The following USP31 variants were observed in gnomAD, a reference collection of about 807,000 sequenced individuals.
USP31 encodes the protein ubiquitin specific peptidase 31.
USP31 carries 44 observed loss-of-function variants against 119.4 expected under a neutral mutation model. That is an observed-to-expected ratio of 0.37 (90% CI 0.29 to 0.47). The LOEUF (loss-of-function observed/expected upper bound fraction) is 0.47, where lower values mean the gene tolerates loss of function less well. USP31 is among the 20% of genes least tolerant of loss of function. The probability of loss-of-function intolerance (pLI) is 0.99; values close to 1 mark genes in which losing one functional copy is unlikely to be tolerated. For synonymous variants in USP31, 749 were observed against 705.6 expected (o/e 1.06, Z -0.97); for missense variants, 1,643 against 1,730.2 (o/e 0.95, Z 0.89).
chr16:23,106,540 T>G, intron 2 of USP31, 53 bp from the exon 3 acceptor site: 1 of 1,503,564 alleles, frequency 6.7e-7, no homozygotes, highest in Non-Finnish European at 9.0e-7. Flanking sequence ...AATTCTTGGT[T>G]GAAGATGAAG....
chr16:23,113,338 T>A (rs150100633), intron 1 of USP31, among the ~76,000 whole-genome samples: 1 of 152,198 alleles, frequency 6.6e-6, no homozygotes, highest in South Asian at 2.1e-4. Context: ...ACCTATCACA[T>A]GAGACAGAAC....
intron 7 of USP31, among the ~76,000 whole-genome samples, chr16:23,088,727 T>C (rs1901224318): frequency 6.6e-6 from 1 of 152,248 alleles, no homozygotes. Context: ...GTTCCCTGTG[T>C]ATACTGTGCT....
chr16:23,079,515 G>A (rs1900723687), intron 13 of USP31: 1 of 155,126 alleles, frequency 6.4e-6, no homozygotes, highest in Non-Finnish European at 1.4e-5. Context: ...TCACATCTGT[G>A]AATAGCTACT....
chr16:23,140,496 C>G (rs1050415857), intron 1 of USP31, among the ~76,000 whole-genome samples: 9 of 152,220 alleles, frequency 5.9e-5, no homozygotes, highest in African/African-American at 2.2e-4. Context: ...TCAAGGCTCT[C>G]TGTCCCCAGA....
intron 11 of USP31, 34 bp downstream of exon 11, chr16:23,084,826 C>G (rs772031031): frequency 1.2e-6 from 2 of 1,612,642 alleles, no homozygotes; most frequent in Admixed American, 1.7e-5. Flanking sequence ...CCCCACTGCC[C>G]TGAGCAACCA....
At chr16:23,124,535 G>C (rs988003052) in intron 1 of USP31, among the ~76,000 whole-genome samples, 1 of 152,270 alleles carries the variant, frequency 6.6e-6, no homozygotes, top group Admixed American at 6.5e-5. Flanking sequence ...TCCAGCACTA[G>C]AACACTGGAG....
chr16:23,081,106 GACACAC>G (rs1277991479), intron 12 of USP31, among the ~76,000 whole-genome samples: 2 of 152,138 alleles, frequency 1.3e-5, no homozygotes, highest in Admixed American at 1.3e-4. Context: ...ATGGGGAGGG[GACACAC>G]AGGAGTCGAT....
Position 23,107,967 on chromosome 16 carries a change from C to T in USP31, c.771+79G>A, listed in dbSNP as rs569118256. ...CTTAGTCAATTTCATTGTATTAACG[C>T]AATGCAACAAGTCCTCAGTAGAAGA... On this transcript the variant is annotated intron_variant, in intron 2 of 15. Transcript: ENST00000219689. 57 of 1,489,898 alleles carry T rather than the reference C, an allele frequency of 3.8e-5. No homozygotes were observed. In the African/African-American group the frequency reaches 6.8e-4, roughly 18 times the overall value. The allele number at this position is 1,489,898 out of a possible 1,614,324, so 92.3% of individuals were successfully genotyped here. A position where few individuals can be genotyped will look rare whatever the true frequency, so the allele number is the denominator to read the frequency against.
At chr16:23,112,783 C>A (rs906743632) in intron 1 of USP31, among the ~76,000 whole-genome samples, 1 of 151,936 alleles carries the variant, frequency 6.6e-6, no homozygotes, top group Non-Finnish European at 1.5e-5. Flanking sequence ...GATCCCAGCA[C>A]TTTGGGAGGT....
intron 6 of USP31, among the ~76,000 whole-genome samples, chr16:23,101,800 T>A (rs1207954840): frequency 6.6e-6 from 1 of 151,950 alleles, no homozygotes; most frequent in African/African-American, 2.4e-5. Context: ...GGAGACAAGC[T>A]AAGTTCCAAA....
chr16:23,097,480 C>T (rs1310684183), intron 6 of USP31, among the ~76,000 whole-genome samples: 1 of 152,190 alleles, frequency 6.6e-6, no homozygotes, highest in African/African-American at 2.4e-5. Flanking sequence ...TTTTATGAGG[C>T]CAGCATCATC....
intron 9 of USP31, 22 bp downstream of exon 9, chr16:23,087,070 T>C (rs1273887296): frequency 6.3e-7 from 1 of 1,589,952 alleles, no homozygotes; most frequent in African/African-American, 1.4e-5. Context: ...TAAAAGGTAA[T>C]TTAAAAAAAA....
chr16:23,145,355 G>A (rs912741573), intron 1 of USP31, among the ~76,000 whole-genome samples: 5 of 152,092 alleles, frequency 3.3e-5, no homozygotes, highest in African/African-American at 4.8e-5. Flanking sequence ...GCACACTGAC[G>A]CATGAGAAGC....
chr16:23,078,608 G>A (rs144474191), intron 13 of USP31, among the ~76,000 whole-genome samples: 2,479 of 152,188 alleles, frequency 0.016, 44 homozygotes, highest in Non-Finnish European at 0.021. Flanking sequence ...AACCCATGAT[G>A]TGGGACTCCT....
chr16:23,103,478 A>T (rs1567236866), intron 5 of USP31, among the ~76,000 whole-genome samples: 1 of 152,232 alleles, frequency 6.6e-6, no homozygotes, highest in Admixed American at 6.5e-5. Context: ...CTACTTATAT[A>T]AAATAATGTA....
chr16:23,125,292 A>C (rs1002875275), intron 1 of USP31, among the ~76,000 whole-genome samples: 15 of 152,194 alleles, frequency 9.9e-5, no homozygotes, highest in African/African-American at 3.6e-4. Context: ...GTCTCACTAC[A>C]TTCAAAACTC....
intron 12 of USP31, 82 bp from the exon 13 acceptor site, chr16:23,080,253 T>C (rs998829418): frequency 5.7e-6 from 7 of 1,227,856 alleles, no homozygotes; most frequent in Non-Finnish European, 8.0e-6. Flanking sequence ...ATGTGGATCC[T>C]ATCAGACAAA....
At chr16:23,141,316 T>G (rs1903345413) in intron 1 of USP31, among the ~76,000 whole-genome samples, 1 of 152,158 alleles carries the variant, frequency 6.6e-6, no homozygotes, top group Non-Finnish European at 1.5e-5. Context: ...TTATTCTTCC[T>G]GCCTGGTCAC....
rs1207890791 is a variant in USP31, at chr16:23,149,329, G to GGCC, written c.-62_-60dup. 36 of 1,007,702 alleles carry GGCC rather than the reference G, an allele frequency of 3.6e-5. No homozygotes were observed. The highest frequency in any genetic ancestry group is 9.7e-4 in the Middle Eastern group (2 of 2,054). The allele number at this position is 1,007,702 out of a possible 1,614,324, so 62.4% of individuals were successfully genotyped here. A position where few individuals can be genotyped will look rare whatever the true frequency, so the allele number is the denominator to read the frequency against. On this transcript the variant is annotated 5_prime_UTR_variant, in exon 1 of 16. Coordinates refer to ENST00000219689, the MANE Select transcript of USP31 (RefSeq NM_020718.4). ...CCCGCCCGGCCCGCGGCCCCGCCAC[G>GGCC]GCCGCCGCCGCATCCCGCAGCGCCG... is the stretch of plus-strand genomic sequence containing the variant.
Sources: gnomAD v4.1 joint callset for allele counts (sites outside exome capture counted in the v4.1 genomes callset) on GRCh38, gnomAD v4.1.1 for gene constraint, MANE v1.5 for transcripts, NCBI Gene and HGNC (gene_info 2026-07-23, HGNC 2026-07-21) for gene names.